Variants in OPCML observed in about 807,000 individuals in gnomAD.
OPCML encodes the protein opioid-binding protein/cell adhesion molecule.
In OPCML, 13 loss-of-function variants were observed where a neutral mutation model predicts 37.8. The observed-to-expected ratio is 0.34, with a 90% confidence interval of 0.22 to 0.55. The LOEUF is 0.55. OPCML is among the 20% of genes least tolerant of loss of function. The pLI, the probability that OPCML is intolerant of heterozygous loss-of-function variation, is 0.91. For synonymous variants in OPCML, 176 were observed against 168.8 expected (o/e 1.04, Z -0.33); for missense variants, 341 against 435.6 (o/e 0.78, Z 1.93).
intron 3 of OPCML, among the ~76,000 whole-genome samples, chr11:132,573,373 G>T (rs556706860): frequency 1.3e-5 from 2 of 152,038 alleles, no homozygotes; most frequent in South Asian, 4.1e-4. Flanking sequence ...TATGATGTTA[G>T]CTGTAGGCTT....
chr11:132,736,934 T>C (rs1344543768), intron 2 of OPCML, among the ~76,000 whole-genome samples: 2 of 152,210 alleles, frequency 1.3e-5, no homozygotes, highest in African/African-American at 2.4e-5. Flanking sequence ...CATTGGTATA[T>C]AGCAATAGAT....
intron 1 of OPCML, among the ~76,000 whole-genome samples, chr11:133,468,460 A>T (rs867670476): frequency 1.3e-5 from 2 of 152,224 alleles, no homozygotes; most frequent in Non-Finnish European, 2.9e-5. Flanking sequence ...GGCAGCCAGG[A>T]GGCACAAGCA....
rs572695697 is a variant in OPCML, at chr11:133,180,366, C to T, written c.62-237356G>A. On this transcript the variant is annotated intron_variant, in intron 1 of 7. Coordinates refer to ENST00000524381, the MANE Select transcript of OPCML (RefSeq NM_001012393.5). ...GCAGGTGGACACGTGGCAGCAGCAG[C>T]TGATTGCAAAAGCCCAGAAGTGGAT... 7.2e-5 allele frequency among the ~76,000 whole-genome samples: 11 copies of T among 152,308 alleles called. No individual in the cohort carries two copies. The South Asian group carries it at 1.9e-3, about 26-fold the overall frequency.
At chr11:133,423,185 T>G (rs1490433714) in intron 1 of OPCML, 1 of 985,240 alleles carries the variant, frequency 1.0e-6, no homozygotes, top group Non-Finnish European at 1.2e-6. Context: ...AATTTTAACT[T>G]TATTCTTCAG....
chr11:133,465,244 T>G (rs1198935974), intron 1 of OPCML, among the ~76,000 whole-genome samples: 2 of 152,182 alleles, frequency 1.3e-5, no homozygotes, highest in Non-Finnish European at 2.9e-5. Context: ...AAACTCTGCT[T>G]CTGTTCACAG....
chr11:133,004,593 C>G (rs1591901931), intron 1 of OPCML: 3 of 985,346 alleles, frequency 3.0e-6, no homozygotes, highest in Non-Finnish European at 3.6e-6. Flanking sequence ...CTGCTCCATG[C>G]GAAGGGTCTG....
intron 1 of OPCML, among the ~76,000 whole-genome samples, chr11:133,088,528 G>A (rs1948852250): frequency 6.6e-6 from 1 of 152,172 alleles, no homozygotes; most frequent in South Asian, 2.1e-4. Context: ...TTTGTCATCT[G>A]TTTCTTTTGC....
chr11:132,458,907 ATTTAATAGCCC>A (rs1171465492), intron 4 of OPCML, among the ~76,000 whole-genome samples: 1 of 152,188 alleles, frequency 6.6e-6, no homozygotes, highest in Non-Finnish European at 1.5e-5. Context: ...GAAATAAAGC[ATTTAATAGCCC>A]TTTCAGACAA....
chr11:133,124,419 G>T (rs573781509), intron 1 of OPCML, among the ~76,000 whole-genome samples: 1 of 152,066 alleles, frequency 6.6e-6, no homozygotes, highest in Non-Finnish European at 1.5e-5. Flanking sequence ...TGGCTTGTCT[G>T]CTACATCACA....
chr11:132,457,652 T>C (rs974771870), intron 4 of OPCML, among the ~76,000 whole-genome samples: 1 of 152,206 alleles, frequency 6.6e-6, no homozygotes, highest in African/African-American at 2.4e-5. Flanking sequence ...GTGATCACTA[T>C]GTGCCAACCA....
rs184416083 is a variant in OPCML, at chr11:133,088,167, T to C, written c.62-145157A>G. ...AAAGAGAAAGAGTACTATTACTTAC[T>C]GTAGGCAGGTAGTACACAAAATAAC... On this transcript the variant is annotated intron_variant, in intron 1 of 7. Coordinates refer to ENST00000524381, the MANE Select transcript of OPCML (RefSeq NM_001012393.5). Among the ~76,000 whole-genome samples the C allele has an allele frequency of 1.3e-4, 20 of 152,330 alleles. No individual in the cohort carries two copies. In the East Asian group the frequency reaches 3.5e-3, roughly 26 times the overall value.
At chr11:132,615,099 G>A (rs187856286) in intron 3 of OPCML, among the ~76,000 whole-genome samples, 239 of 152,240 alleles carry the variant, frequency 1.6e-3, no homozygotes, top group African/African-American at 5.0e-3. Context: ...AGGAGCTTGC[G>A]TTTTTATTTA....
At chr11:132,934,433 A>C (rs1421965236) in intron 2 of OPCML, among the ~76,000 whole-genome samples, 3 of 152,098 alleles carry the variant, frequency 2.0e-5, no homozygotes, top group Non-Finnish European at 4.4e-5. Flanking sequence ...TGACCCTTTG[A>C]CTGTTCTCGC....
chr11:132,671,538 G>A (rs529349025), intron 2 of OPCML, among the ~76,000 whole-genome samples: 1 of 152,266 alleles, frequency 6.6e-6, no homozygotes, highest in East Asian at 1.9e-4. Flanking sequence ...TCTCTGAACT[G>A]CTCCGAGGCA....
At chr11:133,109,180 T>A (rs483129) in intron 1 of OPCML, among the ~76,000 whole-genome samples, 1,834 of 152,284 alleles carry the variant, frequency 0.012, 28 homozygotes, top group Admixed American at 0.037. Flanking sequence ...TTCCGGTGGG[T>A]TCGTGGTCTT....
chr11:132,979,649 T>C (rs1165429681), intron 1 of OPCML, among the ~76,000 whole-genome samples: 2 of 152,250 alleles, frequency 1.3e-5, no homozygotes, highest in Admixed American at 1.3e-4. Context: ...TACAAATTAA[T>C]GCATTTATTG....
At position 133,333,398 on chromosome 11, in the gene OPCML, A is replaced by C. The variant is rs376989750; in HGVS notation, c.61+198866T>G. Among the ~76,000 whole-genome samples, 1,333 of 151,114 alleles carry C rather than the reference A, an allele frequency of 8.8e-3. 18 individuals carry two copies. The highest frequency in any genetic ancestry group is 0.03 in the African/African-American group (1,222 of 41,168). ...AAAAACAAGCAATGGGAAAAAAAAA[A>C]CTCCCTATTCAGTAAATGGTGCTAA... On this transcript the variant is annotated intron_variant, in intron 1 of 7. Transcript: ENST00000524381.
At chr11:132,586,984 G>T (rs779140238) in intron 3 of OPCML, among the ~76,000 whole-genome samples, 21 of 152,176 alleles carry the variant, frequency 1.4e-4, no homozygotes, top group Non-Finnish European at 2.9e-4. Flanking sequence ...ATGCATTCGG[G>T]CATACTAATA....
chr11:132,872,066 G>T (rs1051822974), intron 2 of OPCML, among the ~76,000 whole-genome samples: 1 of 152,036 alleles, frequency 6.6e-6, no homozygotes, highest in African/African-American at 2.4e-5. Context: ...ATATTATGTT[G>T]TTTTAAACTA....
Sources: gnomAD v4.1 joint callset for allele counts (sites outside exome capture counted in the v4.1 genomes callset) on GRCh38, gnomAD v4.1.1 for gene constraint, MANE v1.5 for transcripts, NCBI Gene and HGNC (gene_info 2026-07-23, HGNC 2026-07-21) for gene names.